Variants in CDH9 observed in about 807,000 individuals in gnomAD.
CDH9 encodes the protein cadherin-9.
Under a neutral mutation model 70.9 loss-of-function variants are expected in CDH9, and 28 were observed. That is an observed-to-expected ratio of 0.40 (90% CI 0.29 to 0.54). The LOEUF (loss-of-function observed/expected upper bound fraction) is 0.54. Ranked by LOEUF, CDH9 falls within the 20% of genes least tolerant of loss-of-function variation. The pLI is 0.59. For synonymous variants in CDH9, 409 were observed against 343.1 expected (o/e 1.19, Z -2.12); for missense variants, 874 against 984.4 (o/e 0.89, Z 1.50).
At chr5:27,007,507 T>G (rs747730306) in intron 1 of CDH9, among the ~76,000 whole-genome samples, 23 of 152,232 alleles carry the variant, frequency 1.5e-4, no homozygotes, top group Non-Finnish European at 2.4e-4. Context: ...TTCAAGAGTT[T>G]ATTATGAATT....
chr5:27,012,486 C>A (rs2112116536), intron 1 of CDH9, among the ~76,000 whole-genome samples: 1 of 152,002 alleles, frequency 6.6e-6, no homozygotes, highest in East Asian at 1.9e-4. Flanking sequence ...TAAATGTTAT[C>A]AGCTCAATAA....
At chr5:26,978,755 A>G (rs542335008) in intron 2 of CDH9, among the ~76,000 whole-genome samples, 90 of 152,012 alleles carry the variant, frequency 5.9e-4, no homozygotes, top group African/African-American at 2.0e-3. Context: ...CCAGAAAAAC[A>G]AACATATTAC....
chr5:26,903,666 T>C lies in CDH9; in HGVS notation c.970A>G (p.Thr324Ala), dbSNP rs1468810311. The change falls in exon 6 of 12, where the codon ACA (threonine) becomes GCA (alanine). Residue 324 changes from threonine to alanine, a missense_variant. Thr to Ala is a moderately conservative substitution (Grantham distance 58). Coordinates refer to ENST00000231021, the MANE Select transcript of CDH9 (RefSeq NM_016279.4). ...TTGACAGTTATAATCCCTTCCTGTG[T>C]ATCCTTGTCAGTGATGACATCGAAC... ...DMFDVITDKD[T>A]QEGIITVKQN... is the part of the protein sequence containing the mutation. The C allele has an allele frequency of 6.2e-7, 1 of 1,609,328 alleles. No homozygotes were observed. Among genetic ancestry groups the C allele is most frequent in the Non-Finnish European group, 8.5e-7 (1 of 1,175,768 alleles).
intron 1 of CDH9, among the ~76,000 whole-genome samples, chr5:26,990,358 C>T (rs148283148): frequency 0.023 from 3,524 of 152,172 alleles, 56 homozygotes; most frequent in Non-Finnish European, 0.035. Context: ...ACTCTTAGCT[C>T]TTAATGCAAA....
intron 1 of CDH9, among the ~76,000 whole-genome samples, chr5:27,014,035 C>T (rs2112118062): frequency 1.3e-5 from 2 of 152,070 alleles, no homozygotes; most frequent in Admixed American, 1.3e-4. Context: ...AACAGAATAT[C>T]ATCATCAGCT....
chr5:26,946,256 T>C (rs1352429386), intron 2 of CDH9, among the ~76,000 whole-genome samples: 2 of 152,264 alleles, frequency 1.3e-5, no homozygotes, highest in African/African-American at 2.4e-5. Flanking sequence ...GTGACTTACA[T>C]TGAATATCCC....
intron 2 of CDH9, among the ~76,000 whole-genome samples, chr5:26,928,385 G>A (rs932862889): frequency 6.6e-6 from 1 of 151,976 alleles, no homozygotes; most frequent in Non-Finnish European, 1.5e-5. Context: ...TTCATAGTTT[G>A]GAAGGATCAA....
Position 26,890,548 on chromosome 5 carries a change from G to T in CDH9, c.1270C>A (p.His424Asn). The change falls in exon 8 of 12, where the codon CAT (histidine) becomes AAT (asparagine). Residue 424 changes from histidine to asparagine, a missense_variant. Coordinates refer to ENST00000231021, the MANE Select transcript of CDH9 (RefSeq NM_016279.4). ...CCAAAAATACGGTCCATATCAGTAT[G>T]CCGATCAACAGAGTACCTGGCAGAA... is the stretch of plus-strand genomic sequence containing the variant. ...NNLIKYSVDR[H>N]TDMDRIFGIH... The T allele has an allele frequency of 3.1e-6, 5 of 1,606,940 alleles. No individual in the cohort carries two copies. Among genetic ancestry groups the T allele is most frequent in the Non-Finnish European group, 4.3e-6 (5 of 1,173,634 alleles).
At chr5:26,953,934 A>G (rs964087927) in intron 2 of CDH9, among the ~76,000 whole-genome samples, 13 of 151,912 alleles carry the variant, frequency 8.6e-5, no homozygotes, top group African/African-American at 3.2e-4. Flanking sequence ...TCTGTATACT[A>G]TATGAAACAT....
intron 11 of CDH9, among the ~76,000 whole-genome samples, chr5:26,883,041 TTATA>T (rs59145200): frequency 0.15 from 8,945 of 57,858 alleles, 2,027 homozygotes; most frequent in South Asian, 0.16. Context: ...CAGGATCATC[TTATA>T]TATATATATA....
chr5:26,986,444 T>C (rs1742489809), intron 2 of CDH9, among the ~76,000 whole-genome samples: 1 of 152,142 alleles, frequency 6.6e-6, no homozygotes, highest in Non-Finnish European at 1.5e-5. Flanking sequence ...ACACAAAATT[T>C]TAAACTATAA....
At chr5:26,988,057 A>C (rs545429994) in intron 2 of CDH9, 49 bp downstream of exon 2, 1 of 1,358,264 alleles carries the variant, frequency 7.4e-7, no homozygotes, top group African/African-American at 1.5e-5. Flanking sequence ...GGAAAAAAAT[A>C]AATAGCTGTC....
intron 2 of CDH9, among the ~76,000 whole-genome samples, chr5:26,941,367 A>T (rs1281648265): frequency 1.3e-5 from 2 of 152,184 alleles, no homozygotes; most frequent in Non-Finnish European, 2.9e-5. Context: ...CTTTGAAACC[A>T]TGAGGAAACA....
intron 11 of CDH9, among the ~76,000 whole-genome samples, chr5:26,883,664 G>A (rs949754562): frequency 1.3e-5 from 2 of 151,958 alleles, no homozygotes; most frequent in South Asian, 2.1e-4. Context: ...AAGCAAGCAC[G>A]GTTTTCTTTG....
At chr5:27,006,220 G>C (rs190137510) in intron 1 of CDH9, among the ~76,000 whole-genome samples, 15 of 152,180 alleles carry the variant, frequency 9.9e-5, no homozygotes, top group African/African-American at 3.6e-4. Context: ...TCATATGAAA[G>C]AGAGGTTTAG....
intron 2 of CDH9, among the ~76,000 whole-genome samples, chr5:26,966,808 T>C (rs1245926587): frequency 6.6e-6 from 1 of 152,234 alleles, no homozygotes; most frequent in Non-Finnish European, 1.5e-5. Flanking sequence ...AATTACTAGT[T>C]CTTTTTCTGC....
chr5:27,013,537 C>A (rs1323644844), intron 1 of CDH9, among the ~76,000 whole-genome samples: 1 of 151,840 alleles, frequency 6.6e-6, no homozygotes, highest in Non-Finnish European at 1.5e-5. Context: ...GAATGTGATA[C>A]GTTATTTCTG....
intron 1 of CDH9, among the ~76,000 whole-genome samples, chr5:27,035,220 C>T (rs1743372198): frequency 6.7e-6 from 1 of 148,738 alleles, no homozygotes; most frequent in South Asian, 2.1e-4. Context: ...GATATGGAAC[C>T]TGATCTTTCT....
intron 6 of CDH9, chr5:26,903,286 T>A: frequency 2.9e-6 from 1 of 342,096 alleles, no homozygotes; most frequent in Non-Finnish European, 5.5e-6. Flanking sequence ...TTTATTTATT[T>A]AAATATATCA....
Sources: allele counts gnomAD v4.1 joint callset (sites outside exome capture counted in the v4.1 genomes callset), GRCh38; gene constraint gnomAD v4.1.1; transcripts MANE v1.5; gene names NCBI Gene and HGNC (gene_info 2026-07-23, HGNC 2026-07-21).